Variants in ADAMTS2 observed in about 807,000 individuals in gnomAD.
The protein encoded by ADAMTS2 is ADAM metallopeptidase with thrombospondin type 1 motif 2.
Under a neutral mutation model 123.0 loss-of-function variants are expected in ADAMTS2, and 50 were observed. The ratio of observed to expected loss-of-function variants is 0.41; its 90% CI spans 0.32 to 0.51. The LOEUF is 0.51. Ranked by LOEUF, ADAMTS2 falls within the 20% of genes least tolerant of loss-of-function variation. The pLI is 0.35. For synonymous variants in ADAMTS2, 678 were observed against 695.4 expected (o/e 0.98, Z 0.39); for missense variants, 1,494 against 1,705.2 (o/e 0.88, Z 2.18).
intron 10 of ADAMTS2, among the ~76,000 whole-genome samples, chr5:179,151,827 C>T (rs1160408330): frequency 6.6e-6 from 1 of 152,112 alleles, no homozygotes; most frequent in Non-Finnish European, 1.5e-5. Context: ...TGAGGTGACC[C>T]ACAGTGCCCA....
At chr5:179,318,787 G>A (rs1222638493) in intron 2 of ADAMTS2, among the ~76,000 whole-genome samples, 1 of 151,644 alleles carries the variant, frequency 6.6e-6, no homozygotes, top group African/African-American at 2.4e-5. Context: ...CTGTTTGAGC[G>A]TTGAGACGTT....
intron 2 of ADAMTS2, among the ~76,000 whole-genome samples, chr5:179,324,547 C>T (rs1032065916): frequency 3.9e-5 from 6 of 152,076 alleles, no homozygotes; most frequent in Admixed American, 6.5e-5. Flanking sequence ...CCCGCCACCA[C>T]GCCCGGCTAG....
chr5:179,174,666 T>G (rs1477115427), intron 5 of ADAMTS2, among the ~76,000 whole-genome samples: 1 of 152,268 alleles, frequency 6.6e-6, no homozygotes, highest in Non-Finnish European at 1.5e-5. Context: ...AACTGAACTG[T>G]CTATGAAAGT....
At position 179,303,464 on chromosome 5, in the gene ADAMTS2, G is replaced by A. The variant is rs988359304; in HGVS notation, c.535-30400C>T. Among the ~76,000 whole-genome samples, 3 of 152,136 alleles carry A rather than the reference G, an allele frequency of 2.0e-5. No homozygotes were observed. Among genetic ancestry groups the A allele is most frequent in the East Asian group, 1.9e-4 (1 of 5,190 alleles). ...CTAGAATGTGAGGTTCAGCAAACCC[G>A]CAGAGTTTACTCTTCATTCTCTGGT... On this transcript the variant is annotated intron_variant, in intron 2 of 21. Coordinates refer to ENST00000251582, the MANE Select transcript of ADAMTS2 (RefSeq NM_014244.5). This position sits in a 1 kb window ranked among gnomAD's most constrained non-coding sequence, Gnocchi z 4.7.
chr5:179,168,266 G>A (rs770778755), intron 5 of ADAMTS2, among the ~76,000 whole-genome samples: 14 of 152,142 alleles, frequency 9.2e-5, no homozygotes, highest in South Asian at 2.1e-4. Context: ...AATGTCCCCC[G>A]GGTGGGGGGA....
At chr5:179,322,042 A>G (rs1194403222) in intron 2 of ADAMTS2, among the ~76,000 whole-genome samples, 1 of 152,244 alleles carries the variant, frequency 6.6e-6, no homozygotes, top group African/African-American at 2.4e-5. Context: ...CCCTTTTGTC[A>G]TTAAGTATGT....
intron 3 of ADAMTS2, among the ~76,000 whole-genome samples, chr5:179,232,603 T>C (rs746968160): frequency 3.3e-5 from 5 of 152,206 alleles, no homozygotes; most frequent in African/African-American, 7.2e-5. Flanking sequence ...TATAAGTTTA[T>C]TGAGTCATTT....
At chr5:179,121,905 C>T in intron 20 of ADAMTS2, 155 bp from the exon 21 acceptor site, 4 of 496,746 alleles carry the variant, frequency 8.1e-6, no homozygotes, top group Non-Finnish European at 3.5e-6. Flanking sequence ...GCCAAGTCCA[C>T]GCCCACCTCC....
At chr5:179,311,127 G>A (rs1001443102) in intron 2 of ADAMTS2, among the ~76,000 whole-genome samples, 1 of 152,012 alleles carries the variant, frequency 6.6e-6, no homozygotes, top group African/African-American at 2.4e-5. Context: ...TATATAAGGG[G>A]AGGATGCGTA....
chr5:179,210,216 AC>A (rs1764818055), intron 3 of ADAMTS2, among the ~76,000 whole-genome samples: 1 of 152,190 alleles, frequency 6.6e-6, no homozygotes, highest in Admixed American at 6.5e-5. Flanking sequence ...TCATTCTGGC[AC>A]CAGAAGGTAT....
intron 13 of ADAMTS2, among the ~76,000 whole-genome samples, chr5:179,134,004 G>A (rs894452607): frequency 1.5e-4 from 23 of 151,900 alleles, no homozygotes; most frequent in Non-Finnish European, 2.2e-4. Flanking sequence ...GAGCCACCAC[G>A]CCCAGCCCCT....
intron 10 of ADAMTS2, among the ~76,000 whole-genome samples, chr5:179,144,775 G>A (rs1033642967): frequency 6.6e-6 from 1 of 152,224 alleles, no homozygotes; most frequent in Non-Finnish European, 1.5e-5. Context: ...CAATGTAAGA[G>A]CTGAAACTCT....
intron 2 of ADAMTS2, among the ~76,000 whole-genome samples, chr5:179,321,883 G>T (rs1006769131): frequency 3.3e-5 from 5 of 152,092 alleles, no homozygotes; most frequent in African/African-American, 1.2e-4. Flanking sequence ...AGACCCAAGT[G>T]CCTGGAGATC....
intron 2 of ADAMTS2, among the ~76,000 whole-genome samples, chr5:179,334,355 C>T (rs1374836121): frequency 6.6e-6 from 1 of 152,140 alleles, no homozygotes; most frequent in Admixed American, 6.5e-5. Flanking sequence ...CACAAACACC[C>T]CGGAATCGCA....
At chr5:179,273,832 C>T (rs974751352) in intron 2 of ADAMTS2, among the ~76,000 whole-genome samples, 3 of 152,096 alleles carry the variant, frequency 2.0e-5, no homozygotes, top group Non-Finnish European at 4.4e-5. Context: ...TCCTCATTTC[C>T]GTTGGGACTC....
intron 2 of ADAMTS2, among the ~76,000 whole-genome samples, chr5:179,302,232 T>C (rs111939762): frequency 0.052 from 7,845 of 151,304 alleles, 474 homozygotes; most frequent in African/African-American, 0.14. Flanking sequence ...GAGGCTGAGG[T>C]GGGCGGATCA....
At chr5:179,229,324 TCCACAAACATGAGACCCCGCTGCCCAC>T (rs1435595763) in intron 3 of ADAMTS2, among the ~76,000 whole-genome samples, 5 of 99,328 alleles carry the variant, frequency 5.0e-5, no homozygotes, top group African/African-American at 1.7e-4. Flanking sequence ...CGCTGCCCAC[TCCACAAACATGAGACCCCGCTGCCCAC>T]TCCCGACGGA....
chr5:179,249,725 C>G (rs900233444), intron 3 of ADAMTS2, among the ~76,000 whole-genome samples: 2 of 152,112 alleles, frequency 1.3e-5, no homozygotes, highest in East Asian at 3.8e-4. Context: ...TTGTACAGAT[C>G]TATAACAAGT....
chr5:179,330,313 A>G (rs1338235998), intron 2 of ADAMTS2, among the ~76,000 whole-genome samples: 1 of 152,124 alleles, frequency 6.6e-6, no homozygotes, highest in Non-Finnish European at 1.5e-5. Flanking sequence ...GTCTATCAGG[A>G]CAGGCTGACA....
Sources: gnomAD v4.1 joint callset for allele counts (sites outside exome capture counted in the v4.1 genomes callset) on GRCh38, gnomAD v4.1.1 for gene constraint, Gnocchi (gnomAD v3.1) non-coding constraint, MANE v1.5 for transcripts, NCBI Gene and HGNC (gene_info 2026-07-23, HGNC 2026-07-21) for gene names.